The following CCDC178 variants were observed in gnomAD, a reference collection of about 807,000 sequenced individuals.
CCDC178 encodes coiled-coil domain containing 178, also known as coiled-coil domain-containing protein 178.
Under a neutral mutation model 117.4 loss-of-function variants are expected in CCDC178, and 126 were observed. That is an observed-to-expected ratio of 1.07 (90% CI 0.93 to 1.24). CCDC178 has a LOEUF of 1.24. Ranked by LOEUF, CCDC178 falls within the 50% of genes most tolerant of loss-of-function variation. The probability of loss-of-function intolerance (pLI) is 0.00; values close to 1 mark genes in which losing one functional copy is unlikely to be tolerated. For synonymous variants in CCDC178, 283 were observed against 313.4 expected (o/e 0.90, Z 1.02); for missense variants, 1,030 against 986.9 (o/e 1.04, Z -0.59).
chr18:33,187,756 G>A (rs2058814298), intron 20 of CCDC178, among the ~76,000 whole-genome samples: 1 of 152,122 alleles, frequency 6.6e-6, no homozygotes, highest in South Asian at 2.1e-4. Context: ...TGAGCAGATA[G>A]AAGAATCTCC....
chr18:33,413,938 G>A (rs114290808), intron 2 of CCDC178, among the ~76,000 whole-genome samples: 89 of 152,206 alleles, frequency 5.8e-4, no homozygotes, highest in South Asian at 2.9e-3. Flanking sequence ...CAAATTACCC[G>A]GGTAATTCCA....
chr18:33,138,617 T>G (rs1816331637), intron 20 of CCDC178, among the ~76,000 whole-genome samples: 1 of 152,210 alleles, frequency 6.6e-6, no homozygotes, highest in Non-Finnish European at 1.5e-5. Context: ...AATCTTTATT[T>G]CTTGCAAATT....
intron 20 of CCDC178, among the ~76,000 whole-genome samples, chr18:33,106,569 T>C (rs999120369): frequency 6.6e-6 from 1 of 151,686 alleles, no homozygotes; most frequent in South Asian, 2.1e-4. Context: ...CCATTGAGTC[T>C]TCCAGGCATC....
chr18:33,393,515 CT>C (rs954200039), intron 4 of CCDC178, among the ~76,000 whole-genome samples: 1 of 152,026 alleles, frequency 6.6e-6, no homozygotes, highest in African/African-American at 2.4e-5. Flanking sequence ...CTATAGGCAA[CT>C]GTTATTTTGA....
intron 22 of CCDC178, among the ~76,000 whole-genome samples, chr18:32,939,913 A>G (rs2054200356): frequency 6.6e-6 from 1 of 152,186 alleles, no homozygotes; most frequent in South Asian, 2.1e-4. Flanking sequence ...TAAATTTTGA[A>G]TTTGTATGAA....
chr18:33,214,806 C>T lies in CCDC178; in HGVS notation c.2078+744G>A, dbSNP rs143874617. 1.8e-3 allele frequency among the ~76,000 whole-genome samples: 275 copies of T among 151,980 alleles called. 4 individuals are homozygous for T. The East Asian group carries it at 0.029, about 16-fold the overall frequency. On this transcript the variant is annotated intron_variant, in intron 19 of 22. Coordinates refer to ENST00000383096, the MANE Select transcript of CCDC178 (RefSeq NM_001105528.4). ...TTAGAATGCATGGCAACAGGCTGGG[C>T]ATAAATTTTTTCTGACACTTTATCC... is the stretch of plus-strand genomic sequence containing the variant.
intron 21 of CCDC178, among the ~76,000 whole-genome samples, chr18:33,063,489 G>A (rs1403855511): frequency 6.6e-6 from 1 of 152,086 alleles, no homozygotes; most frequent in Non-Finnish European, 1.5e-5. Context: ...ACTCTGTCCA[G>A]TGCCAGCACC....
intron 9 of CCDC178, among the ~76,000 whole-genome samples, chr18:33,338,234 TA>T (rs1042416810): frequency 1.3e-5 from 2 of 152,032 alleles, no homozygotes; most frequent in East Asian, 1.9e-4. Flanking sequence ...ATGTCCATAA[TA>T]AAAAAATGAA....
chr18:33,303,512 A>T (rs1012465130), intron 11 of CCDC178, among the ~76,000 whole-genome samples: 3 of 152,092 alleles, frequency 2.0e-5, no homozygotes, highest in South Asian at 2.1e-4. Context: ...TGATGTGTCA[A>T]TGTAAGTTTG....
At chr18:33,172,186 C>G (rs997607310) in intron 20 of CCDC178, among the ~76,000 whole-genome samples, 1 of 152,116 alleles carries the variant, frequency 6.6e-6, no homozygotes, top group African/African-American at 2.4e-5. Context: ...TGAGCCACCA[C>G]GCCCAGCCAA....
At chr18:33,105,530 T>G (rs2057693563) in intron 20 of CCDC178, among the ~76,000 whole-genome samples, 1 of 151,676 alleles carries the variant, frequency 6.6e-6, no homozygotes, top group African/African-American at 2.4e-5. Flanking sequence ...AGTGTCCACT[T>G]GAGTCATGTG....
At chr18:33,127,935 G>A (rs575201618) in intron 20 of CCDC178, among the ~76,000 whole-genome samples, 2 of 152,252 alleles carry the variant, frequency 1.3e-5, no homozygotes, top group African/African-American at 4.8e-5. Context: ...ATATTCTGAG[G>A]CAAAGCAGAG....
intron 20 of CCDC178, among the ~76,000 whole-genome samples, chr18:33,176,291 T>C (rs2144450798): frequency 6.6e-6 from 1 of 152,296 alleles, no homozygotes; most frequent in South Asian, 2.1e-4. Flanking sequence ...AAAGATTATA[T>C]CCATAGCTCT....
chr18:33,097,948 C>T (rs987281138), intron 20 of CCDC178, among the ~76,000 whole-genome samples: 13 of 151,998 alleles, frequency 8.6e-5, no homozygotes, highest in East Asian at 5.8e-4. Flanking sequence ...TTAGGTCTGA[C>T]GCATTCCCTG....
At chr18:33,174,342 C>T (rs1032119732) in intron 20 of CCDC178, among the ~76,000 whole-genome samples, 2 of 152,158 alleles carry the variant, frequency 1.3e-5, no homozygotes, top group African/African-American at 4.8e-5. Flanking sequence ...TGGGTGGGGA[C>T]AAATATCCAA....
At chr18:33,275,675 GGAGGGGAGGA>G (rs2059940313) in intron 12 of CCDC178, among the ~76,000 whole-genome samples, 1 of 113,846 alleles carries the variant, frequency 8.8e-6, no homozygotes, top group Admixed American at 8.9e-5. Context: ...GGAGGGGAGG[GGAGGGGAGGA>G]GGGAGGGGAA....
chr18:33,319,752 C>T (rs1175949039), intron 11 of CCDC178, among the ~76,000 whole-genome samples: 1 of 152,132 alleles, frequency 6.6e-6, no homozygotes, highest in African/African-American at 2.4e-5. Flanking sequence ...GAGATGGTAT[C>T]TCATTGTGGT....
At chr18:33,377,382 A>C (rs550732544) in intron 5 of CCDC178, among the ~76,000 whole-genome samples, 1 of 135,862 alleles carries the variant, frequency 7.4e-6, no homozygotes, top group South Asian at 2.5e-4. Context: ...ATTTTCTCCC[A>C]TTCTGTAGGT....
chr18:33,339,418 A>T (rs550791183), intron 9 of CCDC178, among the ~76,000 whole-genome samples: 2 of 151,798 alleles, frequency 1.3e-5, no homozygotes, highest in African/African-American at 4.8e-5. Context: ...CATCACTACT[A>T]CTATTACAGA....
Sources: allele counts gnomAD v4.1 joint callset (sites outside exome capture counted in the v4.1 genomes callset), GRCh38; gene constraint gnomAD v4.1.1; transcripts MANE v1.5; gene names NCBI Gene and HGNC (gene_info 2026-07-23, HGNC 2026-07-21).